Variants in SLC22A9 observed in about 807,000 individuals in gnomAD.
The protein encoded by SLC22A9 is solute carrier family 22 member 9.
A neutral mutation model predicts 50.1 loss-of-function variants in SLC22A9; 64 were observed. That is an observed-to-expected ratio of 1.28 (90% CI 1.04 to 1.57). The LOEUF (loss-of-function observed/expected upper bound fraction) is 1.57. Among genes scored for constraint, SLC22A9 ranks in the 40% most tolerant of loss-of-function variants. The pLI, the probability that SLC22A9 is intolerant of heterozygous loss-of-function variation, is 0.00. For synonymous variants in SLC22A9, 261 were observed against 242.5 expected, an observed-to-expected ratio of 1.08 and a Z score of -0.71; for missense variants, 757 against 676.1, an observed-to-expected ratio of 1.12 and a Z score of -1.33.
intron 6 of SLC22A9, among the ~76,000 whole-genome samples, chr11:63,384,416 G>C (rs913673242): frequency 1.3e-5 from 2 of 152,104 alleles, no homozygotes; most frequent in African/African-American, 4.8e-5. Flanking sequence ...TCCTGCATTA[G>C]TTTGCTGAGG....
At chr11:63,389,630 T>C in intron 6 of SLC22A9, among the ~76,000 whole-genome samples, 1 of 152,180 alleles carries the variant, frequency 6.6e-6, no homozygotes, top group African/African-American at 2.4e-5. Context: ...TAAATAGTGC[T>C]GCGATAAACA....
intron 6 of SLC22A9, among the ~76,000 whole-genome samples, chr11:63,382,794 C>T (rs1312848212): frequency 1.3e-5 from 2 of 152,112 alleles, no homozygotes; most frequent in South Asian, 2.1e-4. Flanking sequence ...ATCCAAATAC[C>T]TCTATGAGAT....
chr11:63,376,075 T>A (rs2014456078), intron 5 of SLC22A9, among the ~76,000 whole-genome samples: 1 of 152,144 alleles, frequency 6.6e-6, no homozygotes, highest in Non-Finnish European at 1.5e-5. Flanking sequence ...TAACCAAAAC[T>A]AGTTCATTCC....
At chr11:63,394,880 T>C (rs2014825151) in intron 6 of SLC22A9, among the ~76,000 whole-genome samples, 1 of 152,132 alleles carries the variant, frequency 6.6e-6, no homozygotes, top group Non-Finnish European at 1.5e-5. Flanking sequence ...GGTTTGGTCG[T>C]TTAGCATAAT....
At chr11:63,383,251 T>C (rs1049830941) in intron 6 of SLC22A9, among the ~76,000 whole-genome samples, 3 of 152,060 alleles carry the variant, frequency 2.0e-5, no homozygotes, top group Non-Finnish European at 2.9e-5. Flanking sequence ...GCCCAAGAAA[T>C]GTGTTTTTGT....
chr11:63,382,501 C>T (rs2014584649), intron 6 of SLC22A9, among the ~76,000 whole-genome samples: 1 of 152,200 alleles, frequency 6.6e-6, no homozygotes, highest in South Asian at 2.1e-4. Context: ...CTATCAGGCT[C>T]TTCACTGGAC....
chr11:63,380,033 A>G (rs187765640), intron 5 of SLC22A9, among the ~76,000 whole-genome samples: 5 of 152,196 alleles, frequency 3.3e-5, no homozygotes, highest in Non-Finnish European at 7.4e-5. Context: ...TGCCCGGCCA[A>G]ACAAACACTT....
intron 5 of SLC22A9, among the ~76,000 whole-genome samples, chr11:63,376,750 G>A (rs1468319107): frequency 6.6e-6 from 1 of 151,410 alleles, no homozygotes; most frequent in Non-Finnish European, 1.5e-5. Context: ...AAGACACAGA[G>A]TGACAAGTTG....
intron 6 of SLC22A9, among the ~76,000 whole-genome samples, chr11:63,398,707 G>A (rs1020185383): frequency 0.014 from 2,150 of 152,288 alleles, 54 homozygotes; most frequent in African/African-American, 0.049. Flanking sequence ...GATGGGCAGG[G>A]TTGGCACTGG....
chr11:63,403,948 G>T (rs1031241996), intron 6 of SLC22A9, among the ~76,000 whole-genome samples: 1 of 152,032 alleles, frequency 6.6e-6, no homozygotes, highest in African/African-American at 2.4e-5. Context: ...ACACTATGGA[G>T]GTTAGAACTA....
At position 63,371,230 on chromosome 11, in the gene SLC22A9, A is replaced by G. The variant is rs754099240; in HGVS notation, c.498A>G (p.Leu166=). The G allele has an allele frequency of 2.5e-6, 4 of 1,611,948 alleles. No homozygotes were observed. The South Asian group carries it at 3.3e-5, about 13-fold the overall frequency. ...MMVGGILGGH[L]SDRFGRRFVL... is the part of the protein sequence containing the mutation. ...TGGGAGGCATCCTAGGCGGTCATTTATCAGACAGGTGAGTGTGTATGGAAC... is the reference window on the plus strand; with the variant it reads ...TGGGAGGCATCCTAGGCGGTCATTTGTCAGACAGGTGAGTGTGTATGGAAC... Residue 166 remains leucine, a synonymous_variant, in exon 2 of 10, where the codon TTA becomes TTG. Coordinates refer to ENST00000279178, the MANE Select transcript of SLC22A9 (RefSeq NM_080866.3).
At position 63,405,842 on chromosome 11, in the gene SLC22A9, A is replaced by G. The variant is rs73485827; in HGVS notation, c.1074-655A>G. On this transcript the variant is annotated intron_variant, in intron 6 of 9. Transcript: ENST00000279178. Reference sequence around the variant, plus strand: ...AGAATACTAATAAAAGCAATTACTTATAATAAATAAATAAACCTCAGGCCC... The same window carrying G: ...AGAATACTAATAAAAGCAATTACTTGTAATAAATAAATAAACCTCAGGCCC... Among the ~76,000 whole-genome samples, 1,322 of 152,316 alleles carry G rather than the reference A, an allele frequency of 8.7e-3. 13 individuals carry two copies. Among genetic ancestry groups the G allele is most frequent in the African/African-American group, 0.031 (1,273 of 41,568 alleles).
Position 63,408,687 on chromosome 11 carries a change from T to C in SLC22A9, c.1409T>C (p.Met470Thr), listed in dbSNP as rs765388382. Residue 470 changes from methionine to threonine, a missense_variant, in exon 9 of 10, where the codon ATG (methionine) becomes ACG (threonine). By Grantham distance (81) the Met-to-Thr change is moderately conservative (BLOSUM62 -1). Transcript: ENST00000279178. ...VIPTIIRARAMGINATFANIA... is the reference protein window; with the variant it reads ...VIPTIIRARATGINATFANIA... ...GTTTCCACTCAAAGGGCAAGAGCTA[T>C]GGGGATCAATGCAACCTTTGCTAAT... The C allele has an allele frequency of 5.0e-6, 8 of 1,613,320 alleles. No individual in the cohort carries two copies. Among genetic ancestry groups the C allele is most frequent in the Admixed American group, 1.7e-5 (1 of 59,914 alleles).
intron 6 of SLC22A9, among the ~76,000 whole-genome samples, chr11:63,398,641 G>T (rs979909343): frequency 6.6e-6 from 1 of 152,114 alleles, no homozygotes. Flanking sequence ...CAATCACTGT[G>T]CTCTCTATCC....
chr11:63,392,176 T>A (rs994813291), intron 6 of SLC22A9, among the ~76,000 whole-genome samples: 1 of 152,076 alleles, frequency 6.6e-6, no homozygotes, highest in Admixed American at 6.6e-5. Context: ...GTATTTTCCA[T>A]GTCTGAAATT....
Position 63,408,231 on chromosome 11 carries a change from T to G in SLC22A9, c.1397+11T>G, listed in dbSNP as rs372046976. 1.8e-4 allele frequency: 283 copies of G among 1,603,738 alleles called. No individual in the cohort carries two copies. Among genetic ancestry groups the G allele is most frequent in the Non-Finnish European group, 2.2e-4 (259 of 1,170,928 alleles). ...TCCCACCATAATCAGGTACAGAACC[T>G]TAAGTATGCCCTGTCAGGTTCAAAA... On this transcript the variant is annotated intron_variant, in intron 8 of 9. Transcript: ENST00000279178.
intron 8 of SLC22A9, among the ~76,000 whole-genome samples, 154 bp downstream of exon 8, chr11:63,408,374 C>A (rs2015076895): frequency 6.6e-6 from 1 of 152,194 alleles, no homozygotes; most frequent in Non-Finnish European, 1.5e-5. Flanking sequence ...TTATCTCAAG[C>A]TGACTTTTTG....
intron 6 of SLC22A9, among the ~76,000 whole-genome samples, chr11:63,385,990 G>A (rs1051795848): frequency 5.3e-5 from 8 of 152,066 alleles, no homozygotes; most frequent in African/African-American, 1.9e-4. Flanking sequence ...TTTATTGAGA[G>A]TTTTAACATG....
chr11:63,408,348 T>C (rs759705967), intron 8 of SLC22A9, 128 bp downstream of exon 8: 12 of 782,554 alleles, frequency 1.5e-5, no homozygotes, highest in Non-Finnish European at 2.5e-5. Context: ...TAAACACAAA[T>C]AATTATAGAC....
Sources: allele counts gnomAD v4.1 joint callset (sites outside exome capture counted in the v4.1 genomes callset), GRCh38; gene constraint gnomAD v4.1.1; transcripts MANE v1.5; gene names NCBI Gene and HGNC (gene_info 2026-07-23, HGNC 2026-07-21).